IGF2R: variants seen among roughly 807,000 people sequenced by gnomAD.
IGF2R encodes insulin like growth factor 2 receptor.
IGF2R carries 91 observed loss-of-function variants against 270.6 expected under a neutral mutation model. The observed-to-expected ratio is 0.34, with a 90% confidence interval of 0.28 to 0.40. The LOEUF is 0.40. IGF2R is among the 10% of genes least tolerant of loss of function. The probability of loss-of-function intolerance (pLI) is 1.00; values close to 1 mark genes in which losing one functional copy is unlikely to be tolerated. For missense variants in IGF2R, 2,805 were observed against 3,188.3 expected (o/e 0.88, Z 2.90); for synonymous variants, 1,316 against 1,258.9 (o/e 1.05, Z -0.96).
At chr6:160,038,969 T>A (rs889807202) in intron 10 of IGF2R, among the ~76,000 whole-genome samples, 1 of 152,310 alleles carries the variant, frequency 6.6e-6, no homozygotes, top group African/African-American at 2.4e-5. Context: ...TATGAAACCA[T>A]AAGCAAATTA....
At chr6:159,996,994 C>T (rs1784063028) in intron 2 of IGF2R, among the ~76,000 whole-genome samples, 2 of 152,170 alleles carry the variant, frequency 1.3e-5, no homozygotes, top group Admixed American at 1.3e-4. Context: ...ACTGTGCCCA[C>T]AGCAGTGGGT....
intron 10 of IGF2R, among the ~76,000 whole-genome samples, chr6:160,037,535 T>C (rs1238739832): frequency 6.6e-6 from 1 of 152,258 alleles, no homozygotes; most frequent in Non-Finnish European, 1.5e-5. Context: ...CTAGGAATTA[T>C]TCATGTGAAT....
chr6:160,046,719 G>A, intron 15 of IGF2R, 74 bp downstream of exon 15: 1 of 1,462,110 alleles, frequency 6.8e-7, no homozygotes, highest in Non-Finnish European at 9.4e-7. Flanking sequence ...GAATAGGTGT[G>A]TTCTCACTTA....
At chr6:160,041,305 G>T (rs1777941138) in intron 11 of IGF2R, among the ~76,000 whole-genome samples, 1 of 152,170 alleles carries the variant, frequency 6.6e-6, no homozygotes, top group South Asian at 2.1e-4. Context: ...GTGTACAGAA[G>T]CCAGTTGCCT....
At chr6:159,988,367 T>A (rs1783921836) in intron 1 of IGF2R, among the ~76,000 whole-genome samples, 2 of 151,706 alleles carry the variant, frequency 1.3e-5, no homozygotes, top group African/African-American at 4.8e-5. Context: ...TACAAAACAT[T>A]AGCTGGGTGT....
At position 160,059,049 on chromosome 6, in the gene IGF2R, C is replaced by T; in HGVS notation, c.3042C>T (p.Ser1014=). Residue 1014 remains serine (S), a synonymous_variant, in exon 22 of 48, where the codon TCC becomes TCT. Transcript: ENST00000356956. ...GAATTGAGAAAAGCCTCCAGCTGTC[C>T]ACAGAGGGCTTCATCACTCTGACCT... ...PVGIEKSLQL[S]TEGFITLTYK... is the part of the protein sequence containing the mutation. 6.2e-7 allele frequency: 1 copy of T among 1,614,224 alleles called. No individual in the cohort carries two copies.
At chr6:160,010,906 C>A in intron 4 of IGF2R, 121 bp downstream of exon 4, 1 of 610,320 alleles carries the variant, frequency 1.6e-6, no homozygotes, top group Non-Finnish European at 3.0e-6. Flanking sequence ...TGCATTTGAG[C>A]AGAGATACCA....
chr6:160,099,494 G>A (rs1052103610), intron 45 of IGF2R, among the ~76,000 whole-genome samples: 2 of 152,094 alleles, frequency 1.3e-5, no homozygotes, highest in African/African-American at 4.8e-5. Context: ...AGCCTCCCAA[G>A]TAACTGGGAC....
chr6:160,064,389 C>T lies in IGF2R; in HGVS notation c.3887-12C>T. 4.3e-6 allele frequency: 7 copies of T among 1,614,156 alleles called. No homozygotes were observed. Among genetic ancestry groups the T allele is most frequent in the Non-Finnish European group, 5.9e-6 (7 of 1,180,018 alleles). On this transcript the variant is annotated splice_polypyrimidine_tract_variant and intron_variant, in intron 27 of 47. Transcript: ENST00000356956. ...CGAACCAAACCTTGTTTAATGTTCTCCTTCTTTACAGGTCTCCTGACTCAG... is the reference window on the plus strand; with the variant it reads ...CGAACCAAACCTTGTTTAATGTTCTTCTTCTTTACAGGTCTCCTGACTCAG...
At chr6:160,006,738 G>A (rs1784246257) in intron 2 of IGF2R, 1 of 152,194 alleles carries the variant, frequency 6.6e-6, no homozygotes. Context: ...CGTACAGTGA[G>A]CCATGTGTTA....
At chr6:160,065,268 C>T (rs998033810) in intron 29 of IGF2R, among the ~76,000 whole-genome samples, 4 of 152,162 alleles carry the variant, frequency 2.6e-5, no homozygotes, top group African/African-American at 4.8e-5. Context: ...TTTGCCAGAT[C>T]GCCCTCTGGA....
chr6:160,102,523 G>A lies in IGF2R; in HGVS notation c.6847G>A (p.Gly2283Ser). ...TTTTCTGTGACGTCCTTGCAGGGTG[G>A]GCTTTGACAGCGAGAATCCCGGGGA... ...YTSAVCPLGV[G>S]FDSENPGDDG... Residue 2283 changes from glycine (G) to serine (S), a missense_variant, in exon 46 of 48, where the codon GGC (glycine) becomes AGC (serine). Gly to Ser is a moderately conservative substitution (Grantham distance 56). Transcript: ENST00000356956. This position sits in a 1 kb window ranked among gnomAD's most constrained non-coding sequence, Gnocchi z 4.5. 1 of 1,611,864 alleles carries A rather than the reference G, an allele frequency of 6.2e-7. No individual in the cohort carries two copies. The highest frequency in any genetic ancestry group is 8.5e-7 in the Non-Finnish European group (1 of 1,179,536).
chr6:160,020,628 A>T (rs1448254254), intron 4 of IGF2R, among the ~76,000 whole-genome samples: 1 of 152,234 alleles, frequency 6.6e-6, no homozygotes, highest in Non-Finnish European at 1.5e-5. Context: ...TAGAAAACCC[A>T]GAGTCAAAGC....
In IGF2R at chr6:160,109,512, T is replaced by C. The variant is rs1183082622; in HGVS notation, c.*4428T>C. The stretch of plus-strand genomic sequence containing the variant: ...TAAGTTCCCTCCTATCACCAGACAT[T>C]TCTACAAATGAGGACCTTCACAGGA... On this transcript the variant is annotated 3_prime_UTR_variant, in exon 48 of 48. Transcript: ENST00000356956. 3 of 152,220 alleles carry C rather than the reference T, an allele frequency of 2.0e-5. No homozygotes were observed. The highest frequency in any genetic ancestry group is 2.9e-5 in the Non-Finnish European group (2 of 68,030). 9.4% of individuals were successfully genotyped at this position (152,220 alleles called of 1,614,324 possible).
intron 2 of IGF2R, chr6:160,003,935 G>T (rs1411252082): frequency 2.0e-5 from 3 of 151,964 alleles, no homozygotes; most frequent in Non-Finnish European, 4.4e-5. Flanking sequence ...TGAGTTGAGG[G>T]AGTGAGCTGT....
chr6:160,064,126 A>G (rs1400691659), intron 27 of IGF2R, among the ~76,000 whole-genome samples: 1 of 152,238 alleles, frequency 6.6e-6, no homozygotes, highest in Non-Finnish European at 1.5e-5. Flanking sequence ...CCTCAGGCAC[A>G]GTGGAGAAAG....
At chr6:160,066,678 C>T (rs1318087749) in intron 29 of IGF2R, among the ~76,000 whole-genome samples, 5 of 151,930 alleles carry the variant, frequency 3.3e-5, no homozygotes, top group Non-Finnish European at 7.4e-5. Context: ...TAACTCTAAA[C>T]CTCTGTTTGT....
chr6:160,036,444 C>A (rs533293376), intron 10 of IGF2R, among the ~76,000 whole-genome samples: 3 of 152,282 alleles, frequency 2.0e-5, no homozygotes, highest in Middle Eastern at 3.4e-3. Flanking sequence ...CAGGTCACCC[C>A]AACTGGCTCT....
intron 1 of IGF2R, among the ~76,000 whole-genome samples, chr6:159,979,799 A>G (rs756699951): frequency 4.6e-5 from 7 of 152,148 alleles, no homozygotes; most frequent in Non-Finnish European, 8.8e-5. Flanking sequence ...GCCAGAGAGC[A>G]CGGAGGATTA....
Sources: gnomAD v4.1 joint callset for allele counts (sites outside exome capture counted in the v4.1 genomes callset) on GRCh38, gnomAD v4.1.1 for gene constraint, Gnocchi (gnomAD v3.1) non-coding constraint, MANE v1.5 for transcripts, NCBI Gene and HGNC (gene_info 2026-07-23, HGNC 2026-07-21) for gene names.